NEK1: variants seen among roughly 807,000 people sequenced by gnomAD.
NEK1 encodes the protein serine/threonine-protein kinase Nek1.
Under a neutral mutation model 182.1 loss-of-function variants are expected in NEK1, and 137 were observed. That is an observed-to-expected ratio of 0.75 (90% CI 0.65 to 0.87). NEK1 has a LOEUF of 0.87. Among genes scored for constraint, NEK1 ranks in the 40% least tolerant of loss-of-function variants. The pLI, the probability that NEK1 is intolerant of heterozygous loss-of-function variation, is 0.00. For synonymous variants in NEK1, 513 were observed against 492.2 expected (o/e 1.04, Z -0.56); for missense variants, 1,391 against 1,494.4 (o/e 0.93, Z 1.14).
At chr4:169,485,419 G>A (rs1665061944) in intron 23 of NEK1, among the ~76,000 whole-genome samples, 1 of 152,072 alleles carries the variant, frequency 6.6e-6, no homozygotes, top group Non-Finnish European at 1.5e-5. Context: ...CAGTTGAATT[G>A]GGCCTTCTGT....
At chr4:169,509,885 T>C (rs1218834389) in intron 19 of NEK1, among the ~76,000 whole-genome samples, 1 of 152,132 alleles carries the variant, frequency 6.6e-6, no homozygotes, top group East Asian at 1.9e-4. Flanking sequence ...ACATGTTTAT[T>C]TTTATAAAAC....
intron 29 of NEK1, 54 bp from the exon 30 acceptor site, chr4:169,426,288 T>C: frequency 7.0e-7 from 1 of 1,424,196 alleles, no homozygotes; most frequent in Non-Finnish European, 9.8e-7. Context: ...TTACCAGAAA[T>C]AAAAGTGCTC....
intron 19 of NEK1, among the ~76,000 whole-genome samples, chr4:169,524,501 TGTCTC>T (rs1346170142): frequency 7.2e-6 from 1 of 139,476 alleles, no homozygotes; most frequent in Non-Finnish European, 1.6e-5. Context: ...GAATGAAAAA[TGTCTC>T]AGTCTATATA....
chr4:169,493,896 A>C (rs994153096), intron 23 of NEK1, among the ~76,000 whole-genome samples: 1 of 152,196 alleles, frequency 6.6e-6, no homozygotes, highest in African/African-American at 2.4e-5. Flanking sequence ...AAATTTCCCC[A>C]ATCTTCCAAG....
chr4:169,437,193 T>C (rs1738570636), intron 28 of NEK1, among the ~76,000 whole-genome samples: 2 of 146,234 alleles, frequency 1.4e-5, no homozygotes, highest in Non-Finnish European at 3.0e-5. Context: ...TTCACCATTG[T>C]ATTTTGCACA....
chr4:169,448,730 A>G (rs1444565804), intron 27 of NEK1, among the ~76,000 whole-genome samples: 3 of 152,226 alleles, frequency 2.0e-5, no homozygotes, highest in Non-Finnish European at 4.4e-5. Context: ...TACAGCTTCC[A>G]GCGTGCTTGA....
intron 33 of NEK1, 150 bp downstream of exon 33, chr4:169,401,501 GA>G: frequency 2.0e-6 from 1 of 496,250 alleles, no homozygotes. Flanking sequence ...TGTATGAAAA[GA>G]AAAAGAATGA....
intron 29 of NEK1, among the ~76,000 whole-genome samples, chr4:169,426,629 C>T (rs1052195233): frequency 2.0e-5 from 3 of 152,270 alleles, no homozygotes; most frequent in East Asian, 3.9e-4. Context: ...CTAATACATG[C>T]TAATGTTTGA....
chr4:169,506,605 T>A (rs1268432750), intron 23 of NEK1: 1 of 151,894 alleles, frequency 6.6e-6, no homozygotes, highest in Non-Finnish European at 1.5e-5. Flanking sequence ...ATACAAAAAT[T>A]AGCCAGGCGT....
chr4:169,601,068 T>C (rs1045397006), intron 4 of NEK1, among the ~76,000 whole-genome samples: 4 of 152,210 alleles, frequency 2.6e-5, no homozygotes, highest in South Asian at 2.1e-4. Context: ...TTGGTTAATT[T>C]TGTACTCTTT....
At chr4:169,400,717 T>A in intron 33 of NEK1, 66 bp from the exon 34 acceptor site, 1 of 1,136,720 alleles carries the variant, frequency 8.8e-7, no homozygotes, top group Non-Finnish European at 1.2e-6. Context: ...CCTAATAGAC[T>A]AAAATTCTAT....
chr4:169,469,272 C>G (rs1745491856), intron 26 of NEK1, among the ~76,000 whole-genome samples: 1 of 152,142 alleles, frequency 6.6e-6, no homozygotes, highest in African/African-American at 2.4e-5. Flanking sequence ...ATAAATTTCC[C>G]TCTAAACACT....
At chr4:169,456,721 A>C (rs576538684) in intron 27 of NEK1, among the ~76,000 whole-genome samples, 2 of 152,238 alleles carry the variant, frequency 1.3e-5, no homozygotes, top group Non-Finnish European at 2.9e-5. Context: ...TATATCCAAA[A>C]GAAAGGAAAT....
chr4:169,584,290 A>G (rs1767164852), intron 10 of NEK1, among the ~76,000 whole-genome samples: 1 of 152,152 alleles, frequency 6.6e-6, no homozygotes, highest in Non-Finnish European at 1.5e-5. Context: ...CAAAAAGAAT[A>G]TAACTATAAT....
intron 26 of NEK1, among the ~76,000 whole-genome samples, chr4:169,470,362 G>A (rs1320621988): frequency 6.6e-6 from 1 of 151,676 alleles, no homozygotes; most frequent in African/African-American, 2.4e-5. Flanking sequence ...GTCTGTAAAG[G>A]ATTTTTTCAC....
chr4:169,460,984 T>C (rs1174891291), intron 27 of NEK1, among the ~76,000 whole-genome samples: 1 of 152,192 alleles, frequency 6.6e-6, no homozygotes, highest in Non-Finnish European at 1.5e-5. Flanking sequence ...AAGGAGACAC[T>C]GACATAAGAA....
intron 10 of NEK1, among the ~76,000 whole-genome samples, chr4:169,583,324 A>G (rs1490406519): frequency 6.6e-6 from 1 of 151,954 alleles, no homozygotes; most frequent in East Asian, 1.9e-4. Flanking sequence ...ATAGTACAAA[A>G]TAAATCTGAG....
At chr4:169,537,697 A>T in intron 19 of NEK1, 112 bp downstream of exon 19, 1 of 818,962 alleles carries the variant, frequency 1.2e-6, no homozygotes, top group Non-Finnish European at 2.1e-6. Flanking sequence ...ACTGCCTCTT[A>T]TTATGCCTAG....
chr4:169,546,280 G>A (rs1330995278), intron 18 of NEK1, among the ~76,000 whole-genome samples: 1 of 152,154 alleles, frequency 6.6e-6, no homozygotes, highest in Admixed American at 6.5e-5. Context: ...CAGTTTCCAT[G>A]GAGTTGTGCG....
Sources: gnomAD v4.1 joint callset for allele counts (sites outside exome capture counted in the v4.1 genomes callset) on GRCh38, gnomAD v4.1.1 for gene constraint, MANE v1.5 for transcripts, NCBI Gene and HGNC (gene_info 2026-07-23, HGNC 2026-07-21) for gene names.